MTR: variants seen among roughly 807,000 people sequenced by gnomAD.
MTR encodes methionine synthase.
MTR carries 84 observed loss-of-function variants against 154.8 expected under a neutral mutation model. That is an observed-to-expected ratio of 0.54 (90% CI 0.45 to 0.65). The LOEUF (loss-of-function observed/expected upper bound fraction) is 0.65. Ranked by LOEUF, MTR falls within the 30% of genes least tolerant of loss-of-function variation. MTR has a pLI of 0.00. For synonymous variants in MTR, 554 were observed against 553.9 expected, an observed-to-expected ratio of 1.00 and a Z score of 0.00; for missense variants, 1,275 against 1,570.2, an observed-to-expected ratio of 0.81 and a Z score of 3.18.
chr1:236,814,635 C>A (rs573758828), intron 6 of MTR, among the ~76,000 whole-genome samples: 2 of 152,206 alleles, frequency 1.3e-5, no homozygotes, highest in South Asian at 4.2e-4. Flanking sequence ...ATCCAAAATT[C>A]TGGAGTGCAT....
intron 22 of MTR, among the ~76,000 whole-genome samples, chr1:236,864,361 C>T (rs1664715754): frequency 6.6e-6 from 1 of 152,112 alleles, no homozygotes; most frequent in South Asian, 2.1e-4. Context: ...CAATTACCTG[C>T]TAAGCTGTGT....
Position 236,824,174 on chromosome 1 carries a change from A to G in MTR, c.820A>G (p.Ile274Val). The change falls in exon 9 of 33, where the codon ATT becomes GTT. Residue 274 changes from isoleucine (I) to valine (V), a missense_variant. By Grantham distance (29) the Ile-to-Val change is conservative. Coordinates refer to ENST00000366577, the MANE Select transcript of MTR (RefSeq NM_000254.3). ...TGAAATGAGACCTTTTATTGAAATA[A>G]TTGGAAAATGTACAACAGCCTATGT... ...AAEMRPFIEI[I>V]GKCTTAYVLC... 6.2e-7 allele frequency: 1 copy of G among 1,614,122 alleles called. No homozygotes were observed. Among genetic ancestry groups the G allele is most frequent in the Non-Finnish European group, 8.5e-7 (1 of 1,180,014 alleles).
At chr1:236,874,581 A>AAT in intron 23 of MTR, 145 bp from the exon 24 acceptor site, 5 of 631,910 alleles carry the variant, frequency 7.9e-6, no homozygotes, top group African/African-American at 1.9e-5. Context: ...AAAAAAAAAA[A>AAT]AAAAGAATTA....
rs767887287 is a variant in MTR at position 236,853,006 on chromosome 1, A to C, written c.1871A>C (p.His624Pro). 1.8e-5 allele frequency: 29 copies of C among 1,613,924 alleles called. No homozygotes were observed. The highest frequency in any genetic ancestry group is 2.4e-5 in the Non-Finnish European group (28 of 1,179,916). Residue 624 changes from histidine (H) to proline (P), a missense_variant, in exon 18 of 33, where the codon CAT (histidine) becomes CCT (proline). Transcript: ENST00000366577. ...AGNLPVYDDI[H>P]KELLQLCEDL... ...AACCTCCCTGTGTATGATGATATCC[A>C]TAAGGAACTTCTGCAGCTCTGTGAA...
Position 236,795,446 on chromosome 1 carries a change from A to C in MTR, c.-258A>C. On this transcript the variant is annotated 5_prime_UTR_variant, in exon 1 of 33. Transcript: ENST00000366577. The stretch of plus-strand genomic sequence containing the variant: ...CGTGTCTGGCTGCTAGGCCGACACC[A>C]AGGACTGGCCGGGTACCCGGGAAGA... The C allele has an allele frequency of 6.7e-7, 1 of 1,488,862 alleles. No individual in the cohort carries two copies. The allele number at this position is 1,488,862 out of a possible 1,614,324, so 92.2% of individuals were successfully genotyped here. A position where few individuals can be genotyped will look rare whatever the true frequency, so the allele number is the denominator to read the frequency against.
chr1:236,876,305 A>G lies in MTR; in HGVS notation c.2594+1459A>G, dbSNP rs151177206. ...ACTTGAAGGATTCGATAGTTTGACT[A>G]TCGTTGCTTAACGTTAGAAAACAGG... is the stretch of plus-strand genomic sequence containing the variant. On this transcript the variant is annotated intron_variant, in intron 24 of 32. Coordinates refer to ENST00000366577, the MANE Select transcript of MTR (RefSeq NM_000254.3). Among the ~76,000 whole-genome samples the G allele has an allele frequency of 2.6e-3, 400 of 152,344 alleles. 4 individuals carry two copies. The highest frequency in any genetic ancestry group is 8.5e-3 in the African/African-American group (354 of 41,582).
intron 24 of MTR, among the ~76,000 whole-genome samples, chr1:236,879,203 T>G (rs1665595619): frequency 6.6e-6 from 1 of 152,202 alleles, no homozygotes; most frequent in Non-Finnish European, 1.5e-5. Flanking sequence ...CAATTGAATC[T>G]CTCTCTTCCA....
chr1:236,886,187 T>C, intron 26 of MTR, 105 bp from the exon 27 acceptor site: 1 of 904,022 alleles, frequency 1.1e-6, no homozygotes. Flanking sequence ...AATAAGAGCA[T>C]TTGCTTTCTT....
chr1:236,830,663 C>A (rs1662559086), intron 12 of MTR, among the ~76,000 whole-genome samples: 2 of 152,162 alleles, frequency 1.3e-5, no homozygotes, highest in Admixed American at 1.3e-4. Flanking sequence ...AGGAGTCACA[C>A]AGAAATGTCA....
chr1:236,817,807 T>C (rs1661686720), intron 8 of MTR, among the ~76,000 whole-genome samples: 1 of 152,218 alleles, frequency 6.6e-6, no homozygotes, highest in African/African-American at 2.4e-5. Context: ...TAATTTTAAG[T>C]GCATTAATAG....
intron 20 of MTR, 137 bp from the exon 21 acceptor site, chr1:236,862,099 T>C (rs1572283555): frequency 1.3e-6 from 1 of 767,406 alleles, no homozygotes. Context: ...TTGTTCTGCC[T>C]ACTGTCAAAA....
At position 236,903,406 on chromosome 1, in the gene MTR, T is replaced by A. The variant is rs1667005362; in HGVS notation, c.*5762T>A. The A allele has an allele frequency of 6.6e-6, 1 of 152,216 alleles. No individual in the cohort carries two copies. Among genetic ancestry groups the A allele is most frequent in the Non-Finnish European group, 1.5e-5 (1 of 68,038 alleles). 9.4% of individuals were successfully genotyped at this position (152,216 alleles called of 1,614,324 possible). A position where few individuals can be genotyped will look rare whatever the true frequency, so the allele number is the denominator to read the frequency against. ...CCCCTAAACTCAGCCAGTCCCATGT[T>A]TTTTTAACACTTGGAATATCTAATT... On this transcript the variant is annotated 3_prime_UTR_variant, in exon 33 of 33. Coordinates refer to ENST00000366577, the MANE Select transcript of MTR (RefSeq NM_000254.3).
At chr1:236,842,510 C>T (rs544772173) in intron 15 of MTR, among the ~76,000 whole-genome samples, 2 of 152,248 alleles carry the variant, frequency 1.3e-5, no homozygotes, top group South Asian at 2.1e-4. Flanking sequence ...TTCATATCTA[C>T]ATTTATCCTC....
intron 15 of MTR, among the ~76,000 whole-genome samples, chr1:236,841,815 T>C (rs966433769): frequency 6.6e-6 from 1 of 152,186 alleles, no homozygotes; most frequent in African/African-American, 2.4e-5. Flanking sequence ...CTTGAAGTTG[T>C]TCTGTGTTTT....
chr1:236,890,710 G>A (rs992800046), intron 28 of MTR, among the ~76,000 whole-genome samples: 2 of 152,180 alleles, frequency 1.3e-5, no homozygotes, highest in African/African-American at 4.8e-5. Context: ...TATTGTAGTT[G>A]GGATTAAAAG....
intron 31 of MTR, among the ~76,000 whole-genome samples, chr1:236,896,434 G>A (rs1448440005): frequency 6.6e-6 from 1 of 152,192 alleles, no homozygotes; most frequent in African/African-American, 2.4e-5. Flanking sequence ...TAAGCTAGCT[G>A]GGCGACCTCT....
At chr1:236,873,881 T>C (rs1665282025) in intron 23 of MTR, 41 bp downstream of exon 23, 1 of 1,559,462 alleles carries the variant, frequency 6.4e-7, no homozygotes, top group Non-Finnish European at 8.8e-7. Flanking sequence ...CTAAATGTCA[T>C]ATCCCCAGGT....
chr1:236,824,074 T>C, intron 8 of MTR, 45 bp from the exon 9 acceptor site: 3 of 1,473,192 alleles, frequency 2.0e-6, no homozygotes, highest in Non-Finnish European at 2.9e-6. Context: ...TGCATAAATA[T>C]GAATGAGAGA....
intron 8 of MTR, chr1:236,820,564 A>T: frequency 1.7e-6 from 1 of 578,200 alleles, no homozygotes; most frequent in South Asian, 2.0e-5. Flanking sequence ...AATAAGGCTG[A>T]TGGAAAATAA....
Sources: gnomAD v4.1 joint callset for allele counts (sites outside exome capture counted in the v4.1 genomes callset) on GRCh38, gnomAD v4.1.1 for gene constraint, MANE v1.5 for transcripts, NCBI Gene and HGNC (gene_info 2026-07-23, HGNC 2026-07-21) for gene names.